The following DLG2 variants were observed in gnomAD, a reference collection of about 807,000 sequenced individuals.
DLG2 encodes discs large MAGUK scaffold protein 2, also known as disks large homolog 2.
Under a neutral mutation model 132.5 loss-of-function variants are expected in DLG2, and 45 were observed. The observed-to-expected ratio is 0.34, with a 90% CI of 0.27 to 0.44. DLG2 has a LOEUF of 0.44. DLG2 is among the 20% of genes least tolerant of loss of function. The pLI is 1.00. For missense variants in DLG2, 1,045 were observed against 1,196.9 expected (o/e 0.87, Z 1.87); for synonymous variants, 424 against 419.6 (o/e 1.01, Z -0.13).
chr11:85,473,271 G>A (rs2153079208), intron 3 of DLG2, among the ~76,000 whole-genome samples: 1 of 152,352 alleles, frequency 6.6e-6, no homozygotes, highest in South Asian at 2.1e-4. Context: ...AACTTGAGCA[G>A]AGGCACCATT....
At chr11:85,627,014 C>G (rs1010644421) in intron 1 of DLG2, among the ~76,000 whole-genome samples, 9 of 152,096 alleles carry the variant, frequency 5.9e-5, no homozygotes, top group African/African-American at 1.9e-4. Flanking sequence ...GGTCTCATTA[C>G]TTTATACATG....
chr11:84,287,365 A>G (rs1018800638), intron 7 of DLG2, among the ~76,000 whole-genome samples: 2 of 152,118 alleles, frequency 1.3e-5, no homozygotes, highest in Admixed American at 6.5e-5. Context: ...GATCTAGACT[A>G]GTTGGACTGT....
intron 11 of DLG2, among the ~76,000 whole-genome samples, chr11:84,043,980 T>C (rs1337762291): frequency 2.0e-5 from 3 of 151,490 alleles, no homozygotes; most frequent in Non-Finnish European, 1.5e-5. Context: ...CCTTGAACTA[T>C]AGGTTAAACT....
At chr11:84,534,796 AC>A (rs778148466) in intron 6 of DLG2, 65 bp from the exon 7 acceptor site, 1 of 1,550,792 alleles carries the variant, frequency 6.4e-7, no homozygotes, top group East Asian at 2.2e-5. Flanking sequence ...TATAGACTGA[AC>A]TTCATATTCT....
intron 13 of DLG2, among the ~76,000 whole-genome samples, chr11:83,963,899 A>C (rs2089556937): frequency 6.6e-6 from 1 of 151,956 alleles, no homozygotes; most frequent in African/African-American, 2.4e-5. Flanking sequence ...CATCCTATGC[A>C]TATTTTTCTG....
At chr11:84,957,225 T>A (rs773291579) in intron 6 of DLG2, among the ~76,000 whole-genome samples, 1 of 152,224 alleles carries the variant, frequency 6.6e-6, no homozygotes, top group Non-Finnish European at 1.5e-5. Flanking sequence ...GAATCTGTCC[T>A]CTTATCCATT....
At chr11:83,894,211 T>C (rs1386710621) in intron 15 of DLG2, among the ~76,000 whole-genome samples, 1 of 152,234 alleles carries the variant, frequency 6.6e-6, no homozygotes, top group African/African-American at 2.4e-5. Flanking sequence ...AATTCAGCAC[T>C]GTGCTAGGTA....
At chr11:84,819,076 T>TACACACACACAC (rs111644735) in intron 6 of DLG2, among the ~76,000 whole-genome samples, 32,107 of 129,134 alleles carry the variant, frequency 0.25, 4,624 homozygotes, top group Non-Finnish European at 0.32. Flanking sequence ...CACTCACAAA[T>TACACACACACAC]ACACACACAC....
intron 6 of DLG2, among the ~76,000 whole-genome samples, chr11:84,667,732 C>T (rs537389469): frequency 1.2e-4 from 18 of 151,764 alleles, no homozygotes; most frequent in Admixed American, 6.6e-4. Flanking sequence ...CTCCTGACCT[C>T]GAGTGATCCG....
chr11:85,101,760 A>G (rs1187229058), intron 6 of DLG2, among the ~76,000 whole-genome samples: 2 of 152,076 alleles, frequency 1.3e-5, no homozygotes, highest in African/African-American at 4.8e-5. Context: ...CTGGGAGAAC[A>G]TTTCGTATTC....
At chr11:85,062,866 A>C (rs1308004057) in intron 6 of DLG2, among the ~76,000 whole-genome samples, 1 of 151,800 alleles carries the variant, frequency 6.6e-6, no homozygotes, top group Non-Finnish European at 1.5e-5. Flanking sequence ...TGAATAATCA[A>C]CATAACAGAG....
chr11:85,340,340 G>T (rs2082399994), intron 3 of DLG2, among the ~76,000 whole-genome samples: 1 of 152,136 alleles, frequency 6.6e-6, no homozygotes, highest in Non-Finnish European at 1.5e-5. Flanking sequence ...TCCTTTGCAG[G>T]GACATGGATG....
chr11:85,055,226 G>T (rs2063330020), intron 6 of DLG2, among the ~76,000 whole-genome samples: 1 of 152,102 alleles, frequency 6.6e-6, no homozygotes, highest in South Asian at 2.1e-4. Flanking sequence ...TAAAATTAAT[G>T]AGAGAAGAAC....
At chr11:85,065,135 G>T (rs1431887894) in intron 6 of DLG2, among the ~76,000 whole-genome samples, 1 of 151,380 alleles carries the variant, frequency 6.6e-6, no homozygotes, top group African/African-American at 2.4e-5. Flanking sequence ...AAGAAACACT[G>T]TTCTAAACAT....
At chr11:84,191,793 A>G (rs897028097) in intron 8 of DLG2, among the ~76,000 whole-genome samples, 44 of 152,294 alleles carry the variant, frequency 2.9e-4, no homozygotes, top group African/African-American at 1.0e-3. Context: ...GTGGGTAGAG[A>G]AAGTGGAGTG....
At chr11:85,094,275 G>T (rs1204370365) in intron 6 of DLG2, among the ~76,000 whole-genome samples, 2 of 152,122 alleles carry the variant, frequency 1.3e-5, no homozygotes, top group Non-Finnish European at 2.9e-5. Context: ...ATTAAGCAGT[G>T]GCTTAATTTT....
chr11:84,477,244 C>T (rs2099124206), intron 7 of DLG2, among the ~76,000 whole-genome samples: 1 of 152,138 alleles, frequency 6.6e-6, no homozygotes, highest in Non-Finnish European at 1.5e-5. Context: ...CCTGTAATCC[C>T]AGCTCTTTGG....
At chr11:84,193,570 C>T (rs1024885571) in intron 8 of DLG2, among the ~76,000 whole-genome samples, 3 of 152,182 alleles carry the variant, frequency 2.0e-5, no homozygotes, top group African/African-American at 7.2e-5. Context: ...ATTCTGTCTT[C>T]TATGGAATAC....
intron 3 of DLG2, among the ~76,000 whole-genome samples, chr11:85,559,481 C>G (rs1429188803): frequency 3.3e-5 from 5 of 151,542 alleles, no homozygotes; most frequent in Non-Finnish European, 2.9e-5. Flanking sequence ...GTCTCTTCAC[C>G]AGATCAGAAA....
Sources: gnomAD v4.1 joint callset for allele counts (sites outside exome capture counted in the v4.1 genomes callset) on GRCh38, gnomAD v4.1.1 for gene constraint, MANE v1.5 for transcripts, NCBI Gene and HGNC (gene_info 2026-07-23, HGNC 2026-07-21) for gene names.